Variants in RNF111 observed in about 807,000 individuals in gnomAD.
RNF111 encodes the protein E3 ubiquitin-protein ligase Arkadia.
A neutral mutation model predicts 95.1 loss-of-function variants in RNF111; 17 were observed. The observed-to-expected ratio is 0.18, with a 90% CI of 0.12 to 0.27. The LOEUF (loss-of-function observed/expected upper bound fraction) is 0.27, where lower values mean the gene tolerates loss of function less well. RNF111 is among the 10% of genes least tolerant of loss of function. The pLI is 1.00. For synonymous variants in RNF111, 440 were observed against 414.8 expected (o/e 1.06, Z -0.74); for missense variants, 1,189 against 1,210.4 (o/e 0.98, Z 0.26).
chr15:58,990,640 C>G (rs188999409), intron 1 of RNF111, among the ~76,000 whole-genome samples: 10 of 152,122 alleles, frequency 6.6e-5, no homozygotes, highest in African/African-American at 1.7e-4. Context: ...GGCGACAGAG[C>G]GAGACTGTTT....
rs1314227603 is a variant in RNF111, at chr15:59,065,419, T to A, written c.1367-1345T>A. On this transcript the variant is annotated intron_variant, in intron 5 of 13. Transcript: ENST00000348370. ...ATAACTGGGCATGTGGCGGAGAGCA[T>A]AATCAGGACTCATGTGTTTTATACT... Among the ~76,000 whole-genome samples, 13 of 152,180 alleles carry A rather than the reference T, an allele frequency of 8.5e-5. No homozygotes were observed. In the East Asian group the frequency reaches 2.5e-3, roughly 29 times the overall value.
intron 11 of RNF111, among the ~76,000 whole-genome samples, chr15:59,090,402 G>A (rs531860341): frequency 2.6e-5 from 4 of 152,198 alleles, no homozygotes; most frequent in African/African-American, 7.2e-5. Context: ...GCTAATTTTT[G>A]TATTTTTAGT....
At chr15:58,991,905 G>C (rs572505159) in intron 1 of RNF111, among the ~76,000 whole-genome samples, 1 of 152,142 alleles carries the variant, frequency 6.6e-6, no homozygotes, top group Non-Finnish European at 1.5e-5. Context: ...ATATGGATGG[G>C]TATTAGATGA....
chr15:59,018,568 A>C (rs1487941123), intron 1 of RNF111, among the ~76,000 whole-genome samples: 1 of 152,204 alleles, frequency 6.6e-6, no homozygotes, highest in East Asian at 1.9e-4. Flanking sequence ...AACAAACTAT[A>C]TATACAGAAA....
At chr15:59,041,403 A>G (rs1327465511) in intron 2 of RNF111, among the ~76,000 whole-genome samples, 1 of 152,032 alleles carries the variant, frequency 6.6e-6, no homozygotes, top group African/African-American at 2.4e-5. Flanking sequence ...AAAATAGAAA[A>G]ATTAGCCGGG....
rs768755359 is a variant in RNF111 at position 59,031,698 on chromosome 15, C to T, written c.876C>T (p.Pro292=). ...SENHQNNPAV[P]SGSIDEDVVV... ...ACCACCAAAACAATCCAGCTGTTCC[C>T]TCAGGTAAAAATGTTTAAGCTGAGT... The change falls in exon 2 of 14, where the codon CCC becomes CCT. Residue 292 remains proline, a synonymous_variant. Transcript: ENST00000348370. The T allele has an allele frequency of 2.5e-6, 4 of 1,612,336 alleles. No homozygotes were observed. The South Asian group carries it at 3.3e-5, about 13-fold the overall frequency.
At chr15:59,019,716 T>C (rs1458324585) in intron 1 of RNF111, among the ~76,000 whole-genome samples, 5 of 152,150 alleles carry the variant, frequency 3.3e-5, no homozygotes, top group South Asian at 4.1e-4. Flanking sequence ...CCCAGCACTT[T>C]GGGAAGCTGA....
In RNF111 at chr15:59,066,880, C is replaced by T; in HGVS notation, c.1483C>T (p.His495Tyr). ...SPCGGSSQNH[H>Y]ALGHPHTSCF... ...ATGTGGAGGGTCGTCACAGAACCAC[C>T]ATGCATTAGGACATCCTCATACAAG... Residue 495 changes from histidine to tyrosine, a missense_variant, in exon 6 of 14, where the codon CAT becomes TAT. Transcript: ENST00000348370. 11 of 1,614,072 alleles carry T rather than the reference C, an allele frequency of 6.8e-6. No individual in the cohort carries two copies. The highest frequency in any genetic ancestry group is 7.6e-6 in the Non-Finnish European group (9 of 1,180,008).
intron 10 of RNF111, among the ~76,000 whole-genome samples, chr15:59,088,541 G>A (rs1431634831): frequency 6.6e-6 from 1 of 152,152 alleles, no homozygotes; most frequent in East Asian, 1.9e-4. Flanking sequence ...AAAGTATGTT[G>A]TGATTCAGTG....
intron 2 of RNF111, among the ~76,000 whole-genome samples, chr15:59,042,214 C>A (rs1435456628): frequency 1.3e-5 from 2 of 151,930 alleles, no homozygotes; most frequent in Non-Finnish European, 2.9e-5. Context: ...GCAACCTCAG[C>A]CTCCCACGCT....
At chr15:59,050,603 T>C (rs993422879) in intron 2 of RNF111, among the ~76,000 whole-genome samples, 12 of 152,216 alleles carry the variant, frequency 7.9e-5, no homozygotes, top group African/African-American at 2.9e-4. Flanking sequence ...AACTGCATTA[T>C]TGAGGTATGA....
intron 5 of RNF111, among the ~76,000 whole-genome samples, chr15:59,063,146 T>C (rs1566923426): frequency 6.6e-6 from 1 of 152,212 alleles, no homozygotes; most frequent in African/African-American, 2.4e-5. Context: ...AGCTACATGA[T>C]TGCATGCTGC....
At chr15:59,051,206 C>A (rs530803944) in intron 2 of RNF111, among the ~76,000 whole-genome samples, 1 of 152,132 alleles carries the variant, frequency 6.6e-6, no homozygotes, top group African/African-American at 2.4e-5. Flanking sequence ...GTAATCCCAG[C>A]ACTTTGGGAG....
At position 59,021,534 on chromosome 15, in the gene RNF111, C is replaced by T. The variant is rs569225954; in HGVS notation, c.-19-9270C>T. 3.5e-4 allele frequency among the ~76,000 whole-genome samples: 53 copies of T among 152,234 alleles called. No homozygotes were observed. The South Asian group carries it at 0.01, about 30-fold the overall frequency. ...ATGTTAAGTCTTATGTATGTACCTG[C>T]TCCTTTAGGAAAGTAATTAATAATA... On this transcript the variant is annotated intron_variant, in intron 1 of 13. Coordinates refer to ENST00000348370, the MANE Select transcript of RNF111 (RefSeq NM_017610.8).
rs781168506 is a variant in RNF111, at chr15:59,001,440, A to C, written c.-20+13372A>C. Among the ~76,000 whole-genome samples, 104 of 152,304 alleles carry C rather than the reference A, an allele frequency of 6.8e-4. 2 individuals carry two copies. Among genetic ancestry groups the C allele is most frequent in the Non-Finnish European group, 3.1e-4 (21 of 68,024 alleles). ...TATTTTTGTTGTTGATTAAAAAAAAATTCTTTTTACTATCAGTTTAGTGGG... is the reference window on the plus strand; with the variant it reads ...TATTTTTGTTGTTGATTAAAAAAAACTTCTTTTTACTATCAGTTTAGTGGG... On this transcript the variant is annotated intron_variant, in intron 1 of 13. Coordinates refer to ENST00000348370, the MANE Select transcript of RNF111 (RefSeq NM_017610.8).
At chr15:59,059,677 C>T (rs2042351416) in intron 5 of RNF111, among the ~76,000 whole-genome samples, 1 of 151,694 alleles carries the variant, frequency 6.6e-6, no homozygotes, top group African/African-American at 2.4e-5. Context: ...AGTTTTAGCT[C>T]TTATCTCAAG....
chr15:59,089,096 G>A (rs1160958784), intron 10 of RNF111, among the ~76,000 whole-genome samples: 1 of 152,076 alleles, frequency 6.6e-6, no homozygotes, highest in Non-Finnish European at 1.5e-5. Context: ...TTTTGCCACC[G>A]GTCATATCCA....
chr15:59,034,115 C>G (rs1215712564), intron 2 of RNF111, among the ~76,000 whole-genome samples: 1 of 152,118 alleles, frequency 6.6e-6, no homozygotes, highest in East Asian at 1.9e-4. Flanking sequence ...AAGGGCTATT[C>G]AAGGATAAAT....
intron 2 of RNF111, among the ~76,000 whole-genome samples, chr15:59,044,630 AC>A (rs2041622719): frequency 1.3e-5 from 2 of 152,128 alleles, no homozygotes; most frequent in South Asian, 2.1e-4. Context: ...TAAAAAAAAA[AC>A]AATTCGAAGA....
Sources: gnomAD v4.1 joint callset for allele counts (sites outside exome capture counted in the v4.1 genomes callset) on GRCh38, gnomAD v4.1.1 for gene constraint, MANE v1.5 for transcripts, NCBI Gene and HGNC (gene_info 2026-07-23, HGNC 2026-07-21) for gene names.